The following ZNF585B variants were observed in gnomAD, a reference collection of about 807,000 sequenced individuals.
ZNF585B encodes zinc finger protein 41-like protein.
ZNF585B carries 7 observed loss-of-function variants against 14.0 expected under a neutral mutation model. The observed-to-expected ratio is 0.50, with a 90% CI of 0.28 to 0.94. The LOEUF (loss-of-function observed/expected upper bound fraction) is 0.94. Among genes scored for constraint, ZNF585B ranks in the 40% least tolerant of loss-of-function variants. The pLI is 0.09. For synonymous variants in ZNF585B, 290 were observed against 317.3 expected (o/e 0.91, Z 0.91); for missense variants, 750 against 924.4 (o/e 0.81, Z 2.45).
chr19:37,205,732 G>A (rs1972578164), intron 2 of ZNF585B, among the ~76,000 whole-genome samples: 1 of 152,084 alleles, frequency 6.6e-6, no homozygotes. Flanking sequence ...CTATTCAAAA[G>A]ATTAAACTAT....
At chr19:37,194,408 G>C (rs1025426646) in intron 2 of ZNF585B, among the ~76,000 whole-genome samples, 1 of 152,160 alleles carries the variant, frequency 6.6e-6, no homozygotes, top group African/African-American at 2.4e-5. Flanking sequence ...GAGGTGAGGG[G>C]TTCAAAACCA....
At chr19:37,210,071 T>A (rs899325415) in intron 1 of ZNF585B, among the ~76,000 whole-genome samples, 65 of 151,936 alleles carry the variant, frequency 4.3e-4, no homozygotes, top group East Asian at 5.8e-4. Flanking sequence ...CTGAAAAAAA[T>A]TTTTAAACAC....
Position 37,185,127 on chromosome 19 carries a change from T to C in ZNF585B, c.*100A>G, listed in dbSNP as rs111471565. 2,121 of 1,453,796 alleles carry C rather than the reference T, an allele frequency of 1.5e-3. 33 individuals are homozygous for C. In the African/African-American group the frequency reaches 0.028, roughly 19 times the overall value. 90.1% of individuals were successfully genotyped at this position (1,453,796 alleles called of 1,614,324 possible). Reference sequence around the variant, plus strand: ...AGCCATGTGTGACATTCTGATGTGGTCATTTCTATTTACAATAATATACAT... The same window carrying C: ...AGCCATGTGTGACATTCTGATGTGGCCATTTCTATTTACAATAATATACAT... On this transcript the variant is annotated 3_prime_UTR_variant, in exon 5 of 5. Coordinates refer to ENST00000532828, the MANE Select transcript of ZNF585B (RefSeq NM_152279.4).
At chr19:37,202,647 T>G (rs1404109640) in intron 2 of ZNF585B, among the ~76,000 whole-genome samples, 3 of 151,232 alleles carry the variant, frequency 2.0e-5, no homozygotes, top group Admixed American at 6.6e-5. Flanking sequence ...ATGGTTTTTT[T>G]TTTTTTTTTT....
chr19:37,187,524 G>A (rs1366707491), intron 4 of ZNF585B, among the ~76,000 whole-genome samples: 1 of 152,064 alleles, frequency 6.6e-6, no homozygotes, highest in African/African-American at 2.4e-5. Flanking sequence ...TTTCTTTTCT[G>A]ATAATATTCT....
rs772335676 is a variant in ZNF585B at position 37,185,892 on chromosome 19, G to C, written c.1645C>G (p.Gln549Glu). 5.0e-6 allele frequency: 8 copies of C among 1,613,842 alleles called. No individual in the cohort carries two copies. The East Asian group carries it at 1.6e-4, about 31-fold the overall frequency. Residue 549 changes from glutamine to glutamate, a missense_variant, in exon 5 of 5, where the codon CAG becomes GAG. Physicochemically the swap from Gln to Glu is conservative, Grantham distance 29. Transcript: ENST00000532828. ...IHQKIHTGERQYECHECGKAF... is the reference protein window; with the variant it reads ...IHQKIHTGEREYECHECGKAF... The stretch of plus-strand genomic sequence containing the variant: ...TTCCCACATTCGTGGCATTCATACT[G>C]TCTCTCTCCAGTGTGAATTTTCTGA...
chr19:37,185,342 T>C lies in ZNF585B; in HGVS notation c.2195A>G (p.Asn732Ser), dbSNP rs1972320424. Residue 732 changes from asparagine to serine, a missense_variant, in exon 5 of 5, where the codon AAT becomes AGT. Physicochemically the swap from Asn to Ser is conservative, Grantham distance 46. Transcript: ENST00000532828. Reference sequence around the variant, plus strand: ...GTGTGTTGTCTGATGTTTATTCAAATTGGACCTGTTGCTAAAGGCCTTCCC... The same window carrying C: ...GTGTGTTGTCTGATGTTTATTCAAACTGGACCTGTTGCTAAAGGCCTTCCC... ...ECGKAFSNRS[N>S]LNKHQTTHTG... 6.2e-7 allele frequency: 1 copy of C among 1,614,200 alleles called. No homozygotes were observed.
Position 37,206,783 on chromosome 19 carries a change from A to AT in ZNF585B, c.72+256dup, listed in dbSNP as rs1309923763. Among the ~76,000 whole-genome samples the AT allele has an allele frequency of 2.0e-5, 3 of 152,234 alleles. No homozygotes were observed. In the East Asian group the frequency reaches 5.8e-4, roughly 29 times the overall value. On this transcript the variant is annotated intron_variant, in intron 2 of 4. Coordinates refer to ENST00000532828, the MANE Select transcript of ZNF585B (RefSeq NM_152279.4). ...TTCTATTTGCAGCCAAAACATCAAT[A>AT]TAGCGTGATGACAAAATCAACAACA... is the stretch of plus-strand genomic sequence containing the variant.
intron 2 of ZNF585B, among the ~76,000 whole-genome samples, chr19:37,197,102 G>A (rs948974459): frequency 2.2e-4 from 34 of 151,976 alleles, no homozygotes; most frequent in Non-Finnish European, 4.4e-5. Context: ...TTTACATTAG[G>A]TATTTCTCCT....
Position 37,205,114 on chromosome 19 carries a change from G to T in ZNF585B, c.72+1926C>A, listed in dbSNP as rs186636044. ...GACAGGGAATCACTACATTGCCAGG[G>T]CTGGTCTTGAACTTCTGGCCTCAAG... On this transcript the variant is annotated intron_variant, in intron 2 of 4. Transcript: ENST00000532828. Among the ~76,000 whole-genome samples, 547 of 152,056 alleles carry T rather than the reference G, an allele frequency of 3.6e-3. 3 individuals carry two copies. Among genetic ancestry groups the T allele is most frequent in the Middle Eastern group, 0.021 (6 of 292 alleles).
At position 37,182,313 on chromosome 19, in the gene ZNF585B, G is replaced by T. The variant is rs765728962; in HGVS notation, c.*2914C>A. On this transcript the variant is annotated 3_prime_UTR_variant, in exon 5 of 5. Transcript: ENST00000532828. ...AATTCATGAGGAGTGATACACTTAGGAGTAAGGTAAAATGGGAATAATGAA... is the reference window on the plus strand; with the variant it reads ...AATTCATGAGGAGTGATACACTTAGTAGTAAGGTAAAATGGGAATAATGAA... 2.6e-5 allele frequency: 4 copies of T among 152,158 alleles called. No homozygotes were observed. Among genetic ancestry groups the T allele is most frequent in the Non-Finnish European group, 5.9e-5 (4 of 68,038 alleles). 9.4% of individuals were successfully genotyped at this position (152,158 alleles called of 1,614,324 possible).
Position 37,184,395 on chromosome 19 carries a change from A to AAAGAAAGAAAGAAG in ZNF585B, c.*831_*832insCTTCTTTCTTTCTT, listed in dbSNP as rs2145428002. ...AAGAAAGAAAGAAAGAAAGAAAGAA[A>AAAGAAAGAAAGAAG]GAAAGAAAGAAAGAAAGAAAGAGAA... On this transcript the variant is annotated 3_prime_UTR_variant, in exon 5 of 5. Transcript: ENST00000532828. 1.7e-5 allele frequency: 1 copy of AAAGAAAGAAAGAAG among 58,548 alleles called. No homozygotes were observed. Among genetic ancestry groups the AAAGAAAGAAAGAAG allele is most frequent in the Admixed American group, 2.0e-4 (1 of 5,110 alleles). The allele number at this position is 58,548 out of a possible 1,614,324, so 3.6% of individuals were successfully genotyped here. A position where few individuals can be genotyped will look rare whatever the true frequency, so the allele number is the denominator to read the frequency against.
chr19:37,190,120 C>T lies in ZNF585B; in HGVS notation c.103G>A (p.Asp35Asn), dbSNP rs371971240. The T allele has an allele frequency of 1.7e-5, 27 of 1,614,050 alleles. No homozygotes were observed. The Admixed American group carries it at 2.0e-4, about 12-fold the overall frequency. The change falls in exon 3 of 5, where the codon GAT becomes AAT. Residue 35 changes from aspartate (D) to asparagine (N), a missense_variant. Asp to Asn is a conservative substitution (Grantham distance 23). This residue lies in a region of ZNF585B where 517 missense variants were observed against 570.3 expected (regional missense o/e 0.91). Coordinates refer to ENST00000532828, the MANE Select transcript of ZNF585B (RefSeq NM_152279.4). Reference sequence around the variant, plus strand: ...TGCCGCCATTCCTCTCTGCTGAAATCGATAGCCACATCCCTGAAGGACACT... The same window carrying T: ...TGCCGCCATTCCTCTCTGCTGAAATTGATAGCCACATCCCTGAAGGACACT... ...GSVSFRDVAIDFSREEWRHLD... is the reference protein window; with the variant it reads ...GSVSFRDVAINFSREEWRHLD...
chr19:37,187,309 A>T (rs879091916), intron 4 of ZNF585B, 65 bp from the exon 5 acceptor site: 262 of 1,217,160 alleles, frequency 2.2e-4, no homozygotes, highest in Middle Eastern at 1.8e-3. Context: ...TCTTCTTAAC[A>T]TTCTTTGAAG....
chr19:37,186,904 T>C lies in ZNF585B; in HGVS notation c.633A>G (p.Glu211=), dbSNP rs929799399. The stretch of plus-strand genomic sequence containing the variant: ...CACATTCACTACATTCATATAGTTT[T>C]TCTCCGGTATGAATTCTGTGATGCC... The part of the protein sequence containing the change: ...LFRHHRIHTG[E]KLYECSECGK... Residue 211 remains glutamate (E), a synonymous_variant, in exon 5 of 5, where the codon GAA becomes GAG. Transcript: ENST00000532828. 6.8e-6 allele frequency: 11 copies of C among 1,613,942 alleles called. No homozygotes were observed. The highest frequency in any genetic ancestry group is 9.3e-6 in the Non-Finnish European group (11 of 1,180,008).
rs537863450 is a variant in ZNF585B, at chr19:37,185,121, A to C, written c.*106T>G. Reference sequence around the variant, plus strand: ...CAGAACAGCCATGTGTGACATTCTGATGTGGTCATTTCTATTTACAATAAT... The same window carrying C: ...CAGAACAGCCATGTGTGACATTCTGCTGTGGTCATTTCTATTTACAATAAT... On this transcript the variant is annotated 3_prime_UTR_variant, in exon 5 of 5. Coordinates refer to ENST00000532828, the MANE Select transcript of ZNF585B (RefSeq NM_152279.4). The C allele has an allele frequency of 2.8e-4, 405 of 1,442,360 alleles. No individual in the cohort carries two copies. Among genetic ancestry groups the C allele is most frequent in the Admixed American group, 1.3e-3 (54 of 41,990 alleles). 89.3% of individuals were successfully genotyped at this position (1,442,360 alleles called of 1,614,324 possible).
chr19:37,208,746 A>G (rs962917048), intron 1 of ZNF585B, among the ~76,000 whole-genome samples: 3 of 152,140 alleles, frequency 2.0e-5, no homozygotes, highest in Admixed American at 2.0e-4. Flanking sequence ...AGCTTTAAAA[A>G]AGTAACAGAC....
At chr19:37,206,883 T>G (rs1972592385) in intron 2 of ZNF585B, among the ~76,000 whole-genome samples, 157 bp downstream of exon 2, 2 of 152,224 alleles carry the variant, frequency 1.3e-5, no homozygotes, top group Non-Finnish European at 2.9e-5. Context: ...CACGTGTTCA[T>G]TCTTGACAGG....
At position 37,183,830 on chromosome 19, in the gene ZNF585B, A is replaced by G. The variant is rs573248472; in HGVS notation, c.*1397T>C. ...TTTCATATGATTTATGATTTATCTC[A>G]TATCTCATATAATGTAAGATAATGA... On this transcript the variant is annotated 3_prime_UTR_variant, in exon 5 of 5. Coordinates refer to ENST00000532828, the MANE Select transcript of ZNF585B (RefSeq NM_152279.4). The G allele has an allele frequency of 6.6e-6, 1 of 152,070 alleles. No homozygotes were observed. The highest frequency in any genetic ancestry group is 6.6e-5 in the Admixed American group (1 of 15,246). The allele number at this position is 152,070 out of a possible 1,614,324, so 9.4% of individuals were successfully genotyped here.
Sources: allele counts gnomAD v4.1 joint callset (sites outside exome capture counted in the v4.1 genomes callset), GRCh38; gene constraint gnomAD v4.1.1; regional missense constraint gnomAD v4.1.1; transcripts MANE v1.5; gene names NCBI Gene and HGNC (gene_info 2026-07-23, HGNC 2026-07-21).